Variants in ZNF438 observed in about 807,000 individuals in gnomAD.
ZNF438 encodes the protein zinc finger protein 438.
In ZNF438, 25 loss-of-function variants were observed where a neutral mutation model predicts 38.0. The observed-to-expected ratio is 0.66, with a 90% CI of 0.48 to 0.92. ZNF438 has a LOEUF of 0.92. Ranked by LOEUF, ZNF438 falls within the 40% of genes least tolerant of loss-of-function variation. The pLI, the probability that ZNF438 is intolerant of heterozygous loss-of-function variation, is 0.00. For synonymous variants in ZNF438, 372 were observed against 364.1 expected, an observed-to-expected ratio of 1.02 and a Z score of -0.25; for missense variants, 1,007 against 999.6, an observed-to-expected ratio of 1.01 and a Z score of -0.10.
At chr10:30,972,229 A>G (rs2050826068) in intron 1 of ZNF438, among the ~76,000 whole-genome samples, 1 of 152,120 alleles carries the variant, frequency 6.6e-6, no homozygotes, top group Non-Finnish European at 1.5e-5. Context: ...TCGGCCTCCC[A>G]AAGTGCTGGG....
chr10:30,859,692 T>A (rs916000361), intron 4 of ZNF438, among the ~76,000 whole-genome samples: 10 of 152,264 alleles, frequency 6.6e-5, no homozygotes, highest in African/African-American at 2.4e-4. Context: ...ATGAGAAAAA[T>A]ACCCATGATG....
rs537835658 is a variant in ZNF438, at chr10:31,021,509, G to C, written c.-192+10324C>G. ...TTTGTATTGTTGGAATTTGCCGTTT[G>C]ATATTGGAATACATTCTTAAAATAA... is the stretch of plus-strand genomic sequence containing the variant. On this transcript the variant is annotated intron_variant, in intron 1 of 5. Transcript: ENST00000413025. Among the ~76,000 whole-genome samples, 9 of 152,258 alleles carry C rather than the reference G, an allele frequency of 5.9e-5. No homozygotes were observed. In the South Asian group the frequency reaches 1.9e-3, roughly 32 times the overall value.
At chr10:30,932,800 G>A (rs1403438045) in intron 2 of ZNF438, among the ~76,000 whole-genome samples, 1 of 152,218 alleles carries the variant, frequency 6.6e-6, no homozygotes, top group Non-Finnish European at 1.5e-5. Flanking sequence ...CCAGGTTAGG[G>A]TGTGCCCTAA....
At chr10:30,985,102 T>G (rs1265720857) in intron 1 of ZNF438, among the ~76,000 whole-genome samples, 1 of 152,190 alleles carries the variant, frequency 6.6e-6, no homozygotes, top group African/African-American at 2.4e-5. Context: ...CACCTAGCAG[T>G]AACCCATTTC....
intron 4 of ZNF438, 102 bp from the exon 6 acceptor site, chr10:30,850,469 T>C (rs1015252717): frequency 2.2e-6 from 3 of 1,348,546 alleles, no homozygotes; most frequent in East Asian, 2.4e-5. Context: ...AACAGATTCC[T>C]TGACCTACCT....
chr10:31,010,095 C>T (rs1215302608), intron 1 of ZNF438, among the ~76,000 whole-genome samples: 1 of 152,162 alleles, frequency 6.6e-6, no homozygotes, highest in Non-Finnish European at 1.5e-5. Flanking sequence ...GATCCACCTG[C>T]CTTGGCCTCC....
At chr10:30,931,445 T>C (rs184405828) in intron 2 of ZNF438, among the ~76,000 whole-genome samples, 1 of 152,366 alleles carries the variant, frequency 6.6e-6, no homozygotes, top group East Asian at 1.9e-4. Flanking sequence ...GAACACATCA[T>C]TGAATCTAAA....
At chr10:30,919,328 T>G (rs2044016139) in intron 2 of ZNF438, 1 of 152,220 alleles carries the variant, frequency 6.6e-6, no homozygotes, top group Admixed American at 6.5e-5. Flanking sequence ...TCTTTTTGCT[T>G]CCCCTTTGAA....
intron 1 of ZNF438, among the ~76,000 whole-genome samples, chr10:30,973,137 C>T (rs1167040350): frequency 1.3e-5 from 2 of 152,146 alleles, no homozygotes; most frequent in Non-Finnish European, 2.9e-5. Flanking sequence ...GACTTAAAGA[C>T]TGCAGAAATC....
chr10:30,987,699 C>A (rs538942599), intron 1 of ZNF438, among the ~76,000 whole-genome samples: 1 of 152,062 alleles, frequency 6.6e-6, no homozygotes, highest in Middle Eastern at 3.2e-3. Flanking sequence ...CACCACCCCC[C>A]ATCCAAGTGC....
chr10:30,916,362 A>G (rs573391998), intron 2 of ZNF438, among the ~76,000 whole-genome samples: 1 of 152,226 alleles, frequency 6.6e-6, no homozygotes, highest in African/African-American at 2.4e-5. Context: ...CATACCAAAT[A>G]GTATTTTCAA....
chr10:30,863,158 C>A (rs1219598500), intron 4 of ZNF438, among the ~76,000 whole-genome samples: 3 of 152,210 alleles, frequency 2.0e-5, no homozygotes, highest in Non-Finnish European at 4.4e-5. Context: ...GTCAAGTATT[C>A]CCCTGTTATG....
intron 2 of ZNF438, among the ~76,000 whole-genome samples, chr10:30,923,685 C>G (rs1272797117): frequency 6.6e-6 from 1 of 152,122 alleles, no homozygotes; most frequent in Non-Finnish European, 1.5e-5. Flanking sequence ...ATTTGTATAT[C>G]CTCATACCAT....
At chr10:30,992,602 G>A (rs1178050159) in intron 1 of ZNF438, among the ~76,000 whole-genome samples, 5 of 152,136 alleles carry the variant, frequency 3.3e-5, no homozygotes, top group African/African-American at 1.2e-4. Context: ...TATTAGAGGA[G>A]GGGTTCTGCC....
At chr10:30,890,423 G>A (rs944246015) in intron 3 of ZNF438, among the ~76,000 whole-genome samples, 1 of 152,172 alleles carries the variant, frequency 6.6e-6, no homozygotes, top group South Asian at 2.1e-4. Flanking sequence ...CCAGGTTCCA[G>A]GGTGAAATGT....
chr10:30,863,365 C>T (rs551106331), intron 4 of ZNF438, among the ~76,000 whole-genome samples: 2 of 152,316 alleles, frequency 1.3e-5, no homozygotes, highest in South Asian at 4.1e-4. Flanking sequence ...CTTTGAGGAG[C>T]TGACCAGGTT....
intron 2 of ZNF438, among the ~76,000 whole-genome samples, chr10:30,915,370 T>C (rs896699056): frequency 6.6e-6 from 1 of 152,026 alleles, no homozygotes; most frequent in East Asian, 1.9e-4. Context: ...AATGAAGCAA[T>C]AAGGCTTTGG....
rs533554803 is a variant in ZNF438, at chr10:30,935,441, G to A, written c.-115+6134C>T. On this transcript the variant is annotated intron_variant, in intron 2 of 5. Coordinates refer to ENST00000413025, the Ensembl canonical transcript of ZNF438. The stretch of plus-strand genomic sequence containing the variant: ...CATGTGCAGAGATCACATAGCAAGA[G>A]AGGAAGCAAGAGGGGAGGAGGTGCC... Among the ~76,000 whole-genome samples the A allele has an allele frequency of 7.2e-5, 11 of 152,274 alleles. No homozygotes were observed. The East Asian group carries it at 2.1e-3, about 29-fold the overall frequency.
chr10:30,956,750 G>A (rs2048907631), intron 1 of ZNF438, among the ~76,000 whole-genome samples: 1 of 152,076 alleles, frequency 6.6e-6, no homozygotes, highest in Non-Finnish European at 1.5e-5. Context: ...GTATTCCATT[G>A]TGTATATATG....
Sources: allele counts gnomAD v4.1 joint callset (sites outside exome capture counted in the v4.1 genomes callset), GRCh38; gene constraint gnomAD v4.1.1; transcripts MANE v1.5; gene names NCBI Gene and HGNC (gene_info 2026-07-23, HGNC 2026-07-21).